Variants in ADCY8 observed in about 807,000 individuals in gnomAD.
ADCY8 encodes adenylate cyclase type 8.
Under a neutral mutation model 119.7 loss-of-function variants are expected in ADCY8, and 51 were observed. That is an observed-to-expected ratio of 0.43 (90% CI 0.34 to 0.54). ADCY8 has a LOEUF of 0.54. ADCY8 is among the 20% of genes least tolerant of loss of function. ADCY8 has a pLI of 0.03. For synonymous variants in ADCY8, 665 were observed against 651.0 expected (o/e 1.02, Z -0.33); for missense variants, 1,383 against 1,598.8 (o/e 0.87, Z 2.30).
At chr8:130,874,467 T>G (rs1045039360) in intron 8 of ADCY8, among the ~76,000 whole-genome samples, 1 of 152,128 alleles carries the variant, frequency 6.6e-6, no homozygotes, top group Non-Finnish European at 1.5e-5. Flanking sequence ...AATAAAATTA[T>G]TATTAAGAGC....
intron 5 of ADCY8, among the ~76,000 whole-genome samples, chr8:130,915,283 A>AT (rs1461819142): frequency 7.9e-5 from 12 of 152,142 alleles, no homozygotes; most frequent in South Asian, 2.1e-4. Context: ...GGGACCTTAG[A>AT]TTTTTTCTTT....
intron 1 of ADCY8, among the ~76,000 whole-genome samples, chr8:131,026,686 A>C (rs1823834113): frequency 6.6e-6 from 1 of 152,166 alleles, no homozygotes; most frequent in African/African-American, 2.4e-5. Flanking sequence ...AAAGTTGGAG[A>C]AGCACTGGTC....
At chr8:130,967,714 T>C (rs1242612261) in intron 2 of ADCY8, among the ~76,000 whole-genome samples, 2 of 152,214 alleles carry the variant, frequency 1.3e-5, no homozygotes, top group African/African-American at 4.8e-5. Flanking sequence ...TTTTTTTCTT[T>C]TTATGTTTTT....
At chr8:131,021,907 T>G (rs993316788) in intron 1 of ADCY8, among the ~76,000 whole-genome samples, 2 of 152,180 alleles carry the variant, frequency 1.3e-5, no homozygotes, top group Non-Finnish European at 2.9e-5. Context: ...TGTCCTCAAA[T>G]GGCTTATCAT....
chr8:130,868,077 C>A, intron 8 of ADCY8, 131 bp from the exon 9 acceptor site: 1 of 586,602 alleles, frequency 1.7e-6, no homozygotes, highest in Non-Finnish European at 2.9e-6. Context: ...CTTAATAAAA[C>A]CTTCACAGAG....
In ADCY8 at chr8:130,884,776, C is replaced by T. The variant is rs757504171; in HGVS notation, c.1912-15G>A. On this transcript the variant is annotated splice_polypyrimidine_tract_variant and intron_variant, in intron 7 of 17. Coordinates refer to ENST00000286355, the MANE Select transcript of ADCY8 (RefSeq NM_001115.3). Reference sequence around the variant, plus strand: ...GCAGCCAGAGTCTAGGGGGAAAGCACATGCAAACACAATAAACCTGCTAGT... The same window carrying T: ...GCAGCCAGAGTCTAGGGGGAAAGCATATGCAAACACAATAAACCTGCTAGT... 5 of 1,612,600 alleles carry T rather than the reference C, an allele frequency of 3.1e-6. No individual in the cohort carries two copies. In the South Asian group the frequency reaches 5.5e-5, roughly 18 times the overall value.
In ADCY8 at chr8:130,824,464, C is replaced by T. The variant is rs138006860; in HGVS notation, c.2676-3044G>A. ...GGTATTTTTCAGTAGCTACAATGCC[C>T]TCCTCTGTGTACCTACTTATAATTG... On this transcript the variant is annotated intron_variant, in intron 12 of 17. Transcript: ENST00000286355. Among the ~76,000 whole-genome samples the T allele has an allele frequency of 4.7e-3, 721 of 152,256 alleles. 2 individuals are homozygous for T. The highest frequency in any genetic ancestry group is 7.7e-3 in the Non-Finnish European group (522 of 68,028).
intron 14 of ADCY8, among the ~76,000 whole-genome samples, chr8:130,806,929 A>T (rs1815978824): frequency 1.3e-5 from 2 of 152,268 alleles, no homozygotes; most frequent in Non-Finnish European, 2.9e-5. Flanking sequence ...CTTCCGAGAC[A>T]GTCCCTTCAC....
At chr8:130,815,467 T>C (rs263267) in intron 13 of ADCY8, among the ~76,000 whole-genome samples, 75,358 of 152,040 alleles carry the variant, frequency 0.5, 20,069 homozygotes, top group South Asian at 0.65. Flanking sequence ...ACAATATACA[T>C]ATATTAAATC....
At chr8:130,956,900 C>T (rs1216966560) in intron 2 of ADCY8, among the ~76,000 whole-genome samples, 1 of 152,144 alleles carries the variant, frequency 6.6e-6, no homozygotes, top group Non-Finnish European at 1.5e-5. Context: ...TGAGGCTTCC[C>T]CAGCCATGTG....
chr8:130,884,912 G>A (rs1177059610), intron 7 of ADCY8, 151 bp from the exon 8 acceptor site: 10 of 800,392 alleles, frequency 1.2e-5, no homozygotes, highest in Non-Finnish European at 2.1e-5. Flanking sequence ...TGATCTGATA[G>A]CATTTGGTGC....
At chr8:130,915,338 A>G (rs1383574283) in intron 5 of ADCY8, among the ~76,000 whole-genome samples, 1 of 152,202 alleles carries the variant, frequency 6.6e-6, no homozygotes, top group African/African-American at 2.4e-5. Context: ...ATTAATCCAT[A>G]GGAGTTGCTA....
intron 1 of ADCY8, among the ~76,000 whole-genome samples, chr8:131,000,630 T>A (rs1187035375): frequency 1.3e-5 from 2 of 152,046 alleles, no homozygotes; most frequent in Non-Finnish European, 2.9e-5. Flanking sequence ...ATGACGCAAG[T>A]GGTAAAGCTG....
intron 8 of ADCY8, among the ~76,000 whole-genome samples, chr8:130,874,392 A>G (rs1351925272): frequency 6.6e-6 from 1 of 152,126 alleles, no homozygotes; most frequent in East Asian, 1.9e-4. Flanking sequence ...AATTGCAATG[A>G]GACTAATTTT....
intron 15 of ADCY8, among the ~76,000 whole-genome samples, chr8:130,794,957 C>T (rs997875693): frequency 2.3e-4 from 35 of 152,148 alleles, no homozygotes; most frequent in Non-Finnish European, 1.5e-5. Flanking sequence ...GGGGTGGTGG[C>T]TCACATCTGT....
At chr8:130,832,006 G>A (rs900106591) in intron 12 of ADCY8, among the ~76,000 whole-genome samples, 3 of 152,172 alleles carry the variant, frequency 2.0e-5, no homozygotes, top group African/African-American at 7.2e-5. Flanking sequence ...CCTTACTGAT[G>A]AGAAAAACAG....
At chr8:130,849,485 A>AG in intron 10 of ADCY8, 117 bp downstream of exon 10, 1 of 1,036,050 alleles carries the variant, frequency 9.7e-7, no homozygotes, top group Non-Finnish European at 1.4e-6. Context: ...GGGCTGGACC[A>AG]GGCACATAAA....
At position 130,879,685 on chromosome 8, in the gene ADCY8, CT is replaced by C. The variant is rs760422004; in HGVS notation, c.2109+4878del. 4.6e-5 allele frequency among the ~76,000 whole-genome samples: 7 copies of C among 152,146 alleles called. No individual in the cohort carries two copies. The South Asian group carries it at 8.3e-4, about 18-fold the overall frequency. ...ATTTGTAATTTATAATAGTGAAAAA[CT>C]TTTTTTAAAAGCCTGAAATAGTTAA... On this transcript the variant is annotated intron_variant, in intron 8 of 17. Coordinates refer to ENST00000286355, the MANE Select transcript of ADCY8 (RefSeq NM_001115.3).
intron 2 of ADCY8, among the ~76,000 whole-genome samples, chr8:130,962,297 T>C (rs1821628104): frequency 6.6e-6 from 1 of 152,174 alleles, no homozygotes; most frequent in Non-Finnish European, 1.5e-5. Flanking sequence ...TGAAATAAAA[T>C]AGGAAAGTTT....
Sources: allele counts gnomAD v4.1 joint callset (sites outside exome capture counted in the v4.1 genomes callset), GRCh38; gene constraint gnomAD v4.1.1; transcripts MANE v1.5; gene names NCBI Gene and HGNC (gene_info 2026-07-23, HGNC 2026-07-21).